The following CD320 variants were observed in gnomAD, a reference collection of about 807,000 sequenced individuals.
CD320 encodes the protein CD320 antigen.
Under a neutral mutation model 22.1 loss-of-function variants are expected in CD320, and 16 were observed. That is an observed-to-expected ratio of 0.73 (90% CI 0.49 to 1.10). The LOEUF is 1.10. Ranked by LOEUF, CD320 falls within the 50% of genes least tolerant of loss-of-function variation. The pLI is 0.00. For missense variants in CD320, 388 were observed against 376.9 expected (o/e 1.03, Z -0.24); for synonymous variants, 188 against 167.8 (o/e 1.12, Z -0.93).
rs771751779 is a variant in CD320 at position 8,303,995 on chromosome 19, T to A, written c.362A>T (p.Asp121Val). 6.4e-7 allele frequency: 1 copy of A among 1,572,472 alleles called. No homozygotes were observed. Among genetic ancestry groups the A allele is most frequent in the South Asian group, 1.2e-5 (1 of 85,892 alleles). The change falls in exon 3 of 5, where the codon GAC (aspartate) becomes GTC (valine). Residue 121 changes from aspartate to valine, a missense_variant. Transcript: ENST00000301458. ...GCGGCTGCAGTTGCGCAGTTTCTTG[T>A]CAGTTCCCCCAGAGCAGTCACTGAC... Reference protein sequence around the residue: ...TGVSDCSGGTDKKLRNCSRLA... With the variant: ...TGVSDCSGGTVKKLRNCSRLA...
At chr19:8,307,291 A>C (rs958623737) in intron 1 of CD320, among the ~76,000 whole-genome samples, 4 of 152,048 alleles carry the variant, frequency 2.6e-5, no homozygotes, top group Non-Finnish European at 4.4e-5. Context: ...TCAAAAAAAA[A>C]AAAACAAAAA....
At chr19:8,302,658 AC>A in intron 4 of CD320, 53 bp from the exon 5 acceptor site, 2 of 1,607,830 alleles carry the variant, frequency 1.2e-6, no homozygotes, top group Non-Finnish European at 1.7e-6. Context: ...AAGAGCCCCC[AC>A]ACCCACCAAG....
In CD320 at chr19:8,304,337, G is replaced by C. The variant is rs8101842; in HGVS notation, c.269-249C>G. 0.11 allele frequency among the ~76,000 whole-genome samples: 16,834 copies of C among 151,830 alleles called. 1,863 individuals carry two copies. Among genetic ancestry groups the C allele is most frequent in the African/African-American group, 0.29 (11,993 of 41,342 alleles). On this transcript the variant is annotated intron_variant, in intron 2 of 4. Transcript: ENST00000301458. Reference sequence around the variant, plus strand: ...CCCACTTTATTCTATTTGTTTGTTTGTTTCTTTCTTTATTTTTTCTTTTGA... The same window carrying C: ...CCCACTTTATTCTATTTGTTTGTTTCTTTCTTTCTTTATTTTTTCTTTTGA...
At chr19:8,305,234 G>A in intron 1 of CD320, 78 bp from the exon 2 acceptor site, 1 of 1,525,004 alleles carries the variant, frequency 6.6e-7, no homozygotes, top group East Asian at 2.5e-5. Context: ...CACTGGCTGT[G>A]ATCCGCAGGA....
intron 1 of CD320, among the ~76,000 whole-genome samples, chr19:8,307,118 C>A (rs1970100195): frequency 6.6e-6 from 1 of 151,858 alleles, no homozygotes; most frequent in African/African-American, 2.4e-5. Flanking sequence ...ATGGTGAAAC[C>A]CCATCTCTAC....
At position 8,303,943 on chromosome 19, in the gene CD320, A is replaced by T; in HGVS notation, c.414T>A (p.Arg138=). The T allele has an allele frequency of 6.3e-7, 1 of 1,595,216 alleles. No individual in the cohort carries two copies. The highest frequency in any genetic ancestry group is 1.1e-5 in the South Asian group (1 of 87,974). The change falls in exon 3 of 5, where the codon CGT becomes CGA. Residue 138 remains arginine, a synonymous_variant. Coordinates refer to ENST00000301458, the MANE Select transcript of CD320 (RefSeq NM_016579.4). ...SRLACLAGEL[R]CTLSDDCIPL... ...GAATGCAGTCATCGCTCAGCGTGCA[A>T]CGGAGCTCGCCTGCTAGGCAGGCCA...
intron 1 of CD320, 109 bp from the exon 2 acceptor site, chr19:8,305,265 A>G (rs2145378699): frequency 7.3e-7 from 1 of 1,368,844 alleles, no homozygotes; most frequent in Non-Finnish European, 1.0e-6. Flanking sequence ...GTCCCGGGAT[A>G]TAGGAACCAC....
chr19:8,304,203 G>A, intron 2 of CD320, 115 bp from the exon 3 acceptor site: 2 of 639,450 alleles, frequency 3.1e-6, no homozygotes, highest in Non-Finnish European at 5.7e-6. Flanking sequence ...CCAAAAAAAT[G>A]CTCCCTTCCT....
In CD320 at chr19:8,302,944, G is replaced by A. The variant is rs374451374; in HGVS notation, c.539C>T (p.Thr180Ile). 4 of 1,613,966 alleles carry A rather than the reference G, an allele frequency of 2.5e-6. No individual in the cohort carries two copies. Among genetic ancestry groups the A allele is most frequent in the Non-Finnish European group, 2.5e-6 (3 of 1,180,002 alleles). ...NEILPEGDAT[T>I]MGPPVTLESV... ...CTCCAGGGTCACAGGGGGCCCCATG[G>A]TTGTGGCATCCCCTTCCGGGAGGAT... The change falls in exon 4 of 5, where the codon ACC (threonine) becomes ATC (isoleucine). Residue 180 changes from threonine (T) to isoleucine (I), a missense_variant. Coordinates refer to ENST00000301458, the MANE Select transcript of CD320 (RefSeq NM_016579.4).
At position 8,307,346 on chromosome 19, in the gene CD320, C is replaced by A. The variant is rs1046832217; in HGVS notation, c.142+803G>T. On this transcript the variant is annotated intron_variant, in intron 1 of 4. Transcript: ENST00000301458. ...TGAACGCTGCCTCCTTAAAAAAAAA[C>A]AAACAAAAAAAAACCCAGGAACATT... is the stretch of plus-strand genomic sequence containing the variant. Among the ~76,000 whole-genome samples, 41 of 95,022 alleles carry A rather than the reference C, an allele frequency of 4.3e-4. 1 individual carries two copies. The South Asian group carries it at 9.3e-3, about 22-fold the overall frequency. The allele number at this position is 95,022 out of a possible 152,430, so 62.3% of individuals were successfully genotyped here.
At position 8,302,917 on chromosome 19, in the gene CD320, C is replaced by G; in HGVS notation, c.566G>C (p.Ser189Thr). The change falls in exon 4 of 5, where the codon AGT (serine) becomes ACT (threonine). Residue 189 changes from serine to threonine, a missense_variant. By Grantham distance (58) the Ser-to-Thr change is moderately conservative. Coordinates refer to ENST00000301458, the MANE Select transcript of CD320 (RefSeq NM_016579.4). The stretch of plus-strand genomic sequence containing the variant: ...TGTGGCATTCCTGAGAGAGGTGACA[C>G]TCTCCAGGGTCACAGGGGGCCCCAT... The part of the protein sequence containing the change: ...TTMGPPVTLE[S>T]VTSLRNATTM... 6.2e-7 allele frequency: 1 copy of G among 1,614,020 alleles called. No individual in the cohort carries two copies.
In CD320 at chr19:8,308,333, T is replaced by G. The variant is rs2232772; in HGVS notation, c.-43A>C. Reference sequence around the variant, plus strand: ...GCCGGCCACGCGCTGTCCAGACCGCTCTCTTATCCCTGCGCACGCGCACGC... The same window carrying G: ...GCCGGCCACGCGCTGTCCAGACCGCGCTCTTATCCCTGCGCACGCGCACGC... On this transcript the variant is annotated 5_prime_UTR_variant, in exon 1 of 5. Transcript: ENST00000301458. The G allele has an allele frequency of 2.3e-3, 3,634 of 1,572,392 alleles. 44 individuals are homozygous for G. In the African/African-American group the frequency reaches 0.031, roughly 13 times the overall value.
At position 8,305,066 on chromosome 19, in the gene CD320, A is replaced by G; in HGVS notation, c.233T>C (p.Leu78Ser). ...CTCATCGCTGCCATCGCTGCAGTCC[A>G]AGTCCCTGTCGCAGCGCCAGGTGAG... ...VPLTWRCDRD[L>S]DCSDGSDEEE... The change falls in exon 2 of 5, where the codon TTG (leucine) becomes TCG (serine). Residue 78 changes from leucine to serine, a missense_variant. Transcript: ENST00000301458. 6.2e-7 allele frequency: 1 copy of G among 1,611,838 alleles called. No homozygotes were observed. The highest frequency in any genetic ancestry group is 1.3e-5 in the African/African-American group (1 of 75,044).
intron 1 of CD320, 21 bp downstream of exon 1, chr19:8,308,128 G>A: frequency 6.8e-7 from 1 of 1,479,410 alleles, no homozygotes; most frequent in East Asian, 2.6e-5. Flanking sequence ...GTGGGAGCCC[G>A]CGCTGCGGGG....
rs763426187 is a variant in CD320 at position 8,308,088 on chromosome 19, G to C, written c.142+61C>G. On this transcript the variant is annotated intron_variant, in intron 1 of 4. Transcript: ENST00000301458. ...CAGCCAGTGACTAGGCGTTGTCGGTGCGCGGCGGCGGGGCGAAGCCTCGCG... is the reference window on the plus strand; with the variant it reads ...CAGCCAGTGACTAGGCGTTGTCGGTCCGCGGCGGCGGGGCGAAGCCTCGCG... The C allele has an allele frequency of 3.6e-6, 5 of 1,405,992 alleles. No homozygotes were observed. In the South Asian group the frequency reaches 6.2e-5, roughly 17 times the overall value. 87.1% of individuals were successfully genotyped at this position (1,405,992 alleles called of 1,614,324 possible).
At chr19:8,306,622 C>G (rs905968870) in intron 1 of CD320, among the ~76,000 whole-genome samples, 6 of 152,232 alleles carry the variant, frequency 3.9e-5, no homozygotes, top group African/African-American at 9.6e-5. Flanking sequence ...TCCAACCCCC[C>G]ACTCCCCACT....
Position 8,308,340 on chromosome 19 carries a change from T to A in CD320, c.-50A>T, listed in dbSNP as rs1970130109. 3 of 1,566,252 alleles carry A rather than the reference T, an allele frequency of 1.9e-6. No homozygotes were observed. In the African/African-American group the frequency reaches 4.1e-5, roughly 21 times the overall value. ...ACGCGCTGTCCAGACCGCTCTCTTA[T>A]CCCTGCGCACGCGCACGCGCGGGGT... On this transcript the variant is annotated 5_prime_UTR_variant, in exon 1 of 5. Transcript: ENST00000301458.
Position 8,302,574 on chromosome 19 carries a change from G to A in CD320, c.738C>T (p.Thr246=), listed in dbSNP as rs1265843283. The part of the protein sequence containing the change: ...AVLSASLVTA[T]LLLLSWLRAQ... ...CTCGGAGCCAGGACAAAAGGAGGAG[G>A]GTGGCGGTGACCAGGCTTGCACTGA... is the stretch of plus-strand genomic sequence containing the variant. Residue 246 remains threonine (T), a synonymous_variant, in exon 5 of 5, where the codon ACC becomes ACT. Transcript: ENST00000301458. The A allele has an allele frequency of 6.2e-7, 1 of 1,613,920 alleles. No individual in the cohort carries two copies. The highest frequency in any genetic ancestry group is 1.1e-5 in the South Asian group (1 of 91,090).
intron 3 of CD320, 135 bp downstream of exon 3, chr19:8,303,720 T>C (rs1970043671): frequency 1.5e-6 from 1 of 680,200 alleles, no homozygotes; most frequent in African/African-American, 1.8e-5. Flanking sequence ...CGGCCCCTAA[T>C]GATGTCTTGA....
Sources: gnomAD v4.1 joint callset for allele counts (sites outside exome capture counted in the v4.1 genomes callset) on GRCh38, gnomAD v4.1.1 for gene constraint, MANE v1.5 for transcripts, NCBI Gene and HGNC (gene_info 2026-07-23, HGNC 2026-07-21) for gene names.